Variants in GIGYF2 observed in about 807,000 individuals in gnomAD.
GIGYF2 encodes the protein GRB10-interacting GYF protein 2.
GIGYF2 carries 25 observed loss-of-function variants against 208.1 expected under a neutral mutation model. That is an observed-to-expected ratio of 0.12 (90% CI 0.09 to 0.17). The LOEUF is 0.17. Ranked by LOEUF, GIGYF2 falls within the 10% of genes least tolerant of loss-of-function variation. The pLI is 1.00. For synonymous variants in GIGYF2, 534 were observed against 543.8 expected (o/e 0.98, Z 0.25); for missense variants, 1,302 against 1,579.4 (o/e 0.82, Z 2.98).
chr2:232,825,779 A>G (rs1256324258), intron 21 of GIGYF2, among the ~76,000 whole-genome samples: 1 of 152,058 alleles, frequency 6.6e-6, no homozygotes, highest in East Asian at 1.9e-4. Context: ...ATAGATATAC[A>G]TGTGCCATGT....
At chr2:232,752,944 T>C (rs1327076817) in intron 5 of GIGYF2, among the ~76,000 whole-genome samples, 1 of 152,094 alleles carries the variant, frequency 6.6e-6, no homozygotes, top group African/African-American at 2.4e-5. Context: ...CACTTATTAC[T>C]CTTCCTCAGA....
chr2:232,842,035 T>C (rs1044380219), intron 23 of GIGYF2, among the ~76,000 whole-genome samples: 17 of 151,970 alleles, frequency 1.1e-4, no homozygotes, highest in Non-Finnish European at 2.2e-4. Context: ...GAGACGGGTG[T>C]CACTGCATTA....
intron 8 of GIGYF2, among the ~76,000 whole-genome samples, chr2:232,763,126 C>A (rs140032195): frequency 1.9e-3 from 292 of 152,256 alleles, no homozygotes; most frequent in African/African-American, 6.7e-3. Flanking sequence ...TTAACATAAT[C>A]ATGGGGGGCT....
intron 2 of GIGYF2, among the ~76,000 whole-genome samples, chr2:232,726,805 A>G (rs375857759): frequency 6.6e-6 from 1 of 152,296 alleles, no homozygotes; most frequent in Non-Finnish European, 1.5e-5. Flanking sequence ...GTGAACTTCA[A>G]TTTTCTATAA....
At chr2:232,845,063 GT>G (rs1274057693) in intron 25 of GIGYF2, among the ~76,000 whole-genome samples, 3 of 152,092 alleles carry the variant, frequency 2.0e-5, no homozygotes, top group Non-Finnish European at 2.9e-5. Context: ...GGGTTTTAGT[GT>G]TAAATACATG....
intron 8 of GIGYF2, chr2:232,768,758 A>G (rs1481066051): frequency 1.9e-6 from 3 of 1,599,908 alleles, no homozygotes; most frequent in Non-Finnish European, 2.6e-6. Context: ...CTGTGTCAGT[A>G]AAGCGAATTG....
intron 3 of GIGYF2, among the ~76,000 whole-genome samples, chr2:232,740,000 C>T (rs879543301): frequency 4.7e-5 from 7 of 149,848 alleles, no homozygotes; most frequent in Admixed American, 1.3e-4. Flanking sequence ...TGCCTGTAAT[C>T]TTGGCTACTG....
intron 8 of GIGYF2, among the ~76,000 whole-genome samples, chr2:232,773,910 T>TAAAA (rs61323973): frequency 2.7e-5 from 3 of 112,792 alleles, no homozygotes; most frequent in South Asian, 3.0e-4. Flanking sequence ...TGTCTCTATT[T>TAAAA]AAAAAAAAAA....
chr2:232,770,825 A>G (rs1172844183), intron 8 of GIGYF2: 4 of 943,338 alleles, frequency 4.2e-6, no homozygotes, highest in East Asian at 5.2e-5. Context: ...ATAACTGACT[A>G]TACCCTTTCC....
At chr2:232,755,407 G>A (rs1052316123) in intron 5 of GIGYF2, among the ~76,000 whole-genome samples, 6 of 152,082 alleles carry the variant, frequency 3.9e-5, no homozygotes, top group African/African-American at 1.2e-4. Flanking sequence ...CTGACCTCAT[G>A]TCCACCTGCC....
intron 8 of GIGYF2, among the ~76,000 whole-genome samples, chr2:232,769,505 C>CA (rs34912964): frequency 0.26 from 16,959 of 65,874 alleles, 1,829 homozygotes; most frequent in Middle Eastern, 0.34. Flanking sequence ...GACTCCATCT[C>CA]AAAAAAAAAA....
At chr2:232,746,733 G>C (rs1322535615) in intron 3 of GIGYF2, among the ~76,000 whole-genome samples, 3 of 151,658 alleles carry the variant, frequency 2.0e-5, no homozygotes, top group Non-Finnish European at 4.4e-5. Context: ...ATTTCTCTTT[G>C]TACTTTACTG....
chr2:232,761,493 C>G, intron 8 of GIGYF2, 57 bp downstream of exon 8: 2 of 984,130 alleles, frequency 2.0e-6, no homozygotes, highest in Non-Finnish European at 3.3e-6. Flanking sequence ...ACTCAGTTAC[C>G]TGCACCTCTC....
intron 8 of GIGYF2, among the ~76,000 whole-genome samples, chr2:232,779,223 C>T (rs538327786): frequency 2.6e-5 from 4 of 152,152 alleles, no homozygotes; most frequent in South Asian, 2.1e-4. Context: ...AACATTTCTT[C>T]GGTGAATGAA....
At chr2:232,795,992 A>G (rs1700210216) in intron 13 of GIGYF2, 70 bp from the exon 14 acceptor site, 3 of 1,096,622 alleles carry the variant, frequency 2.7e-6, no homozygotes, top group Middle Eastern at 2.0e-4. Context: ...AGGGGCAGGC[A>G]CTGTTATTAT....
chr2:232,837,958 C>T lies in GIGYF2; in HGVS notation c.2767-1891C>T, dbSNP rs182996282. Among the ~76,000 whole-genome samples the T allele has an allele frequency of 3.8e-4, 58 of 152,238 alleles. 1 individual carries two copies. In the East Asian group the frequency reaches 5.8e-3, roughly 15 times the overall value. ...AAATCAATGAAGGACATTAGGCATT[C>T]GGGGGTCCCTATTTGCTTTTGATTT... On this transcript the variant is annotated intron_variant, in intron 22 of 28. Coordinates refer to ENST00000373563, the MANE Select transcript of GIGYF2 (RefSeq NM_001103146.3).
At chr2:232,771,692 GC>G (rs1237788770) in intron 8 of GIGYF2, among the ~76,000 whole-genome samples, 4 of 152,086 alleles carry the variant, frequency 2.6e-5, no homozygotes, top group African/African-American at 9.7e-5. Context: ...TGTCTTCCTT[GC>G]ACAAGTCCGG....
At chr2:232,855,368 G>A (rs1361502028) in intron 28 of GIGYF2, among the ~76,000 whole-genome samples, 2 of 152,110 alleles carry the variant, frequency 1.3e-5, no homozygotes, top group Non-Finnish European at 2.9e-5. Context: ...CCAGCATTAG[G>A]TTTTCAGCTG....
At chr2:232,778,063 C>T (rs1026413745) in intron 8 of GIGYF2, among the ~76,000 whole-genome samples, 2 of 152,016 alleles carry the variant, frequency 1.3e-5, no homozygotes, top group Admixed American at 1.3e-4. Flanking sequence ...CCTCCCACCT[C>T]ATCCCCCACC....
Sources: gnomAD v4.1 joint callset for allele counts (sites outside exome capture counted in the v4.1 genomes callset) on GRCh38, gnomAD v4.1.1 for gene constraint, MANE v1.5 for transcripts, NCBI Gene and HGNC (gene_info 2026-07-23, HGNC 2026-07-21) for gene names.